Variants in FGF14 observed in about 807,000 individuals in gnomAD.
The protein encoded by FGF14 is fibroblast growth factor homologous factor 4.
A neutral mutation model predicts 25.5 loss-of-function variants in FGF14; 5 were observed. The observed-to-expected ratio is 0.20, with a 90% CI of 0.10 to 0.41. The LOEUF (loss-of-function observed/expected upper bound fraction) is 0.41. Ranked by LOEUF, FGF14 falls within the 10% of genes least tolerant of loss-of-function variation. The pLI, the probability that FGF14 is intolerant of heterozygous loss-of-function variation, is 1.00. For missense variants in FGF14, 222 were observed against 320.1 expected (o/e 0.69, Z 2.34); for synonymous variants, 138 against 118.3 (o/e 1.17, Z -1.08).
chr13:101,800,409 C>T (rs1414670298), intron 3 of FGF14, among the ~76,000 whole-genome samples: 1 of 152,032 alleles, frequency 6.6e-6, no homozygotes, highest in Non-Finnish European at 1.5e-5. Context: ...TGATAATATT[C>T]ATATAAAATA....
intron 1 of FGF14, among the ~76,000 whole-genome samples, chr13:101,906,219 G>C (rs2032225338): frequency 6.6e-6 from 1 of 152,090 alleles, no homozygotes; most frequent in Non-Finnish European, 1.5e-5. Flanking sequence ...TTCTCTTCAT[G>C]AAAACAGCAG....
At chr13:102,215,905 A>C (rs1012661132) in intron 1 of FGF14, among the ~76,000 whole-genome samples, 3 of 152,184 alleles carry the variant, frequency 2.0e-5, no homozygotes, top group Admixed American at 1.3e-4. Context: ...TTGACTTTGT[A>C]ATTTTCAAGT....
chr13:102,000,962 C>T (rs2039461298), intron 1 of FGF14, among the ~76,000 whole-genome samples: 1 of 152,066 alleles, frequency 6.6e-6, no homozygotes, highest in African/African-American at 2.4e-5. Flanking sequence ...CCAAGGAATC[C>T]TTAAAGGGCA....
chr13:101,788,864 T>C (rs912666511), intron 3 of FGF14, among the ~76,000 whole-genome samples: 1 of 117,758 alleles, frequency 8.5e-6, no homozygotes, highest in African/African-American at 2.9e-5. Context: ...TATTTGTGCC[T>C]TTTTTGACTA....
intron 1 of FGF14, among the ~76,000 whole-genome samples, chr13:102,350,679 A>C (rs1232226823): frequency 6.6e-6 from 1 of 152,224 alleles, no homozygotes; most frequent in Non-Finnish European, 1.5e-5. Flanking sequence ...ATGACCAGTC[A>C]GCCGACAAGC....
At chr13:101,943,294 A>C (rs993624659) in intron 1 of FGF14, among the ~76,000 whole-genome samples, 17 of 152,282 alleles carry the variant, frequency 1.1e-4, no homozygotes, top group Middle Eastern at 3.4e-3. Flanking sequence ...ACCATCTACT[A>C]GATTGTGAAT....
chr13:101,916,879 C>T lies in FGF14; in HGVS notation c.-234G>A, dbSNP rs1211927819. On this transcript the variant is annotated 5_prime_UTR_variant, in exon 1 of 5. Transcript: ENST00000376143. ...CGCCCAGGGCGCAGCCGGACGATCC[C>T]GGGAAGCCGGACGTCGTGGCCGCCG... is the stretch of plus-strand genomic sequence containing the variant. Among the ~76,000 whole-genome samples, 1 of 152,098 alleles carries T rather than the reference C, an allele frequency of 6.6e-6. No individual in the cohort carries two copies. Among genetic ancestry groups the T allele is most frequent in the African/African-American group, 2.4e-5 (1 of 41,448 alleles).
chr13:102,357,107 C>T (rs2057439184), intron 1 of FGF14, among the ~76,000 whole-genome samples: 1 of 131,552 alleles, frequency 7.6e-6, no homozygotes, highest in African/African-American at 2.9e-5. Context: ...CTAACACAGG[C>T]TACTTCCATT....
intron 1 of FGF14, among the ~76,000 whole-genome samples, chr13:102,214,823 C>T (rs557171711): frequency 3.9e-5 from 6 of 152,288 alleles, no homozygotes; most frequent in Admixed American, 3.9e-4. Flanking sequence ...CATAGGACAG[C>T]CCCGCAGATA....
intron 1 of FGF14, among the ~76,000 whole-genome samples, chr13:102,142,570 ATGAT>A (rs1263052696): frequency 6.6e-6 from 1 of 152,202 alleles, no homozygotes; most frequent in Non-Finnish European, 1.5e-5. Flanking sequence ...GTGAGAGCCA[ATGAT>A]TGTATTGGAA....
At chr13:102,367,627 C>G (rs1048047891) in intron 1 of FGF14, 1 of 152,168 alleles carries the variant, frequency 6.6e-6, no homozygotes, top group African/African-American at 2.4e-5. Flanking sequence ...CCAAATTACT[C>G]GGAGTGTGTG....
At chr13:102,193,974 T>C (rs1039157424) in intron 1 of FGF14, among the ~76,000 whole-genome samples, 4 of 152,186 alleles carry the variant, frequency 2.6e-5, no homozygotes, top group African/African-American at 9.7e-5. Flanking sequence ...GAAATAACTT[T>C]AAATTATAAT....
At chr13:101,797,531 A>T (rs532609418) in intron 3 of FGF14, among the ~76,000 whole-genome samples, 1 of 152,074 alleles carries the variant, frequency 6.6e-6, no homozygotes, top group Non-Finnish European at 1.5e-5. Flanking sequence ...AACAGAACAA[A>T]TATTTATTGG....
intron 1 of FGF14, among the ~76,000 whole-genome samples, chr13:101,894,070 T>A (rs1189544386): frequency 6.6e-6 from 1 of 152,058 alleles, no homozygotes; most frequent in Non-Finnish European, 1.5e-5. Flanking sequence ...TGGAAAGATA[T>A]TTAAGAAAGA....
intron 1 of FGF14, among the ~76,000 whole-genome samples, chr13:102,250,692 G>A (rs1478994901): frequency 6.6e-6 from 1 of 152,136 alleles, no homozygotes; most frequent in African/African-American, 2.4e-5. Context: ...TATTTAAAGA[G>A]ACATATTTGT....
intron 1 of FGF14, among the ~76,000 whole-genome samples, chr13:102,239,195 C>T (rs529100086): frequency 6.6e-6 from 1 of 152,136 alleles, no homozygotes; most frequent in Admixed American, 6.5e-5. Flanking sequence ...ATGTCTATTA[C>T]CCAGTTACTG....
At chr13:102,269,864 G>A (rs1181742588) in intron 1 of FGF14, among the ~76,000 whole-genome samples, 3 of 152,126 alleles carry the variant, frequency 2.0e-5, no homozygotes, top group African/African-American at 7.2e-5. Context: ...AGAAACTAGT[G>A]CATAGATACC....
intron 1 of FGF14, among the ~76,000 whole-genome samples, chr13:102,021,262 C>T (rs2040635663): frequency 6.6e-6 from 1 of 151,980 alleles, no homozygotes; most frequent in Non-Finnish European, 1.5e-5. Context: ...GAGGATGAAA[C>T]AATGATATAT....
Position 102,068,329 on chromosome 13 carries a change from C to T in FGF14, c.209-193033G>A, listed in dbSNP as rs370925955. On this transcript the variant is annotated intron_variant, in intron 1 of 4. Coordinates refer to the FGF14 transcript ENST00000376131. ...GCGTGCTGGCAGTCCTCACAGCCCT[C>T]GCTCGCTCTCGGCGCCTCCTCTGCC... 6.0e-4 allele frequency among the ~76,000 whole-genome samples: 92 copies of T among 152,328 alleles called. 1 individual carries two copies. The East Asian group carries it at 0.011, about 19-fold the overall frequency.
Sources: allele counts gnomAD v4.1 joint callset (sites outside exome capture counted in the v4.1 genomes callset), GRCh38; gene constraint gnomAD v4.1.1; transcripts MANE v1.5; gene names NCBI Gene and HGNC (gene_info 2026-07-23, HGNC 2026-07-21).